CSMD3: variants seen among roughly 807,000 people sequenced by gnomAD.
CSMD3 encodes CUB and Sushi multiple domains 3, also known as CUB and sushi domain-containing protein 3.
A neutral mutation model predicts 435.2 loss-of-function variants in CSMD3; 177 were observed. That is an observed-to-expected ratio of 0.41 (90% CI 0.36 to 0.46). The LOEUF (loss-of-function observed/expected upper bound fraction) is 0.46, where lower values mean the gene tolerates loss of function less well. Ranked by LOEUF, CSMD3 falls within the 20% of genes least tolerant of loss-of-function variation. The probability of loss-of-function intolerance (pLI) is 0.34; values close to 1 mark genes in which losing one functional copy is unlikely to be tolerated. For missense variants in CSMD3, 4,265 were observed against 4,504.6 expected (o/e 0.95, Z 1.52); for synonymous variants, 1,656 against 1,520.5 (o/e 1.09, Z -2.07).
At chr8:113,085,710 G>A (rs1317683176) in intron 5 of CSMD3, among the ~76,000 whole-genome samples, 1 of 152,116 alleles carries the variant, frequency 6.6e-6, no homozygotes, top group Non-Finnish European at 1.5e-5. Flanking sequence ...TCACTTATAT[G>A]TGGGAGCTAA....
chr8:113,367,508 T>C (rs978446816), intron 1 of CSMD3, among the ~76,000 whole-genome samples: 3 of 152,124 alleles, frequency 2.0e-5, no homozygotes, highest in African/African-American at 7.2e-5. Context: ...ATTACAATTA[T>C]GATTCTTCCA....
intron 1 of CSMD3, among the ~76,000 whole-genome samples, chr8:113,412,094 A>G (rs1169666695): frequency 6.6e-6 from 1 of 152,022 alleles, no homozygotes; most frequent in Non-Finnish European, 1.5e-5. Context: ...TAGAAGTAAA[A>G]CCTGTAGAGT....
chr8:112,495,585 T>TGGA (rs1821254170), intron 30 of CSMD3, among the ~76,000 whole-genome samples: 1 of 152,216 alleles, frequency 6.6e-6, no homozygotes, highest in African/African-American at 2.4e-5. Flanking sequence ...TAATACTGTC[T>TGGA]TTATTTATAT....
chr8:112,532,779 A>G (rs975278045), intron 27 of CSMD3, among the ~76,000 whole-genome samples: 1 of 152,158 alleles, frequency 6.6e-6, no homozygotes, highest in Non-Finnish European at 1.5e-5. Flanking sequence ...GGTAAAATTA[A>G]GTTCACAGAC....
At chr8:112,273,953 T>C (rs1048731781) in intron 59 of CSMD3, among the ~76,000 whole-genome samples, 1 of 148,812 alleles carries the variant, frequency 6.7e-6, no homozygotes, top group Non-Finnish European at 1.5e-5. Flanking sequence ...AAAAAAAAGC[T>C]ATACAGTATG....
intron 1 of CSMD3, among the ~76,000 whole-genome samples, chr8:113,365,281 T>G (rs564230383): frequency 1.4e-3 from 208 of 152,226 alleles, no homozygotes; most frequent in Middle Eastern, 6.8e-3. Context: ...GATTCTTGAA[T>G]AGATCAACAG....
chr8:112,533,055 T>C (rs1479020776), intron 27 of CSMD3, among the ~76,000 whole-genome samples: 1 of 152,062 alleles, frequency 6.6e-6, no homozygotes, highest in African/African-American at 2.4e-5. Flanking sequence ...TTAAAATAAC[T>C]TGTACAACTA....
chr8:112,680,250 C>T (rs778177486), intron 16 of CSMD3, among the ~76,000 whole-genome samples: 28 of 152,114 alleles, frequency 1.8e-4, no homozygotes, highest in Admixed American at 4.6e-4. Flanking sequence ...CCCAGCTACT[C>T]AGGAGGCTGA....
chr8:113,366,920 T>C (rs1478291396), intron 1 of CSMD3, among the ~76,000 whole-genome samples: 1 of 152,080 alleles, frequency 6.6e-6, no homozygotes, highest in Non-Finnish European at 1.5e-5. Context: ...CTTTTCTCTA[T>C]AGTATTTAAA....
intron 5 of CSMD3, among the ~76,000 whole-genome samples, chr8:113,091,716 T>C (rs2090009028): frequency 1.3e-5 from 1 of 79,534 alleles, no homozygotes; most frequent in Non-Finnish European, 2.1e-5. Context: ...TTTTGTTTAA[T>C]CTTTTCAAAA....
At chr8:113,340,226 C>T (rs2094108789) in intron 1 of CSMD3, among the ~76,000 whole-genome samples, 1 of 151,962 alleles carries the variant, frequency 6.6e-6, no homozygotes, top group Non-Finnish European at 1.5e-5. Context: ...AATATGCATC[C>T]TTGATTATTA....
chr8:112,346,866 G>C (rs766252629), intron 40 of CSMD3, among the ~76,000 whole-genome samples: 24 of 151,596 alleles, frequency 1.6e-4, no homozygotes, highest in Admixed American at 5.3e-4. Context: ...TTTTAGTAGA[G>C]ACGGGGGTTT....
At chr8:112,972,161 G>T (rs2084681796) in intron 7 of CSMD3, among the ~76,000 whole-genome samples, 1 of 151,638 alleles carries the variant, frequency 6.6e-6, no homozygotes, top group Non-Finnish European at 1.5e-5. Context: ...ATTAATACAT[G>T]CCCCAGTTTA....
chr8:112,286,830 G>A (rs755051872), intron 58 of CSMD3, among the ~76,000 whole-genome samples: 4 of 152,016 alleles, frequency 2.6e-5, no homozygotes, highest in Non-Finnish European at 5.9e-5. Flanking sequence ...CTAAACATTT[G>A]CTATGTTGTG....
intron 1 of CSMD3, among the ~76,000 whole-genome samples, chr8:113,430,369 T>G (rs1455039248): frequency 7.2e-6 from 1 of 138,724 alleles, no homozygotes; most frequent in African/African-American, 2.5e-5. Context: ...TATTGTCATG[T>G]ATTTTTTTTT....
chr8:113,360,695 T>TC (rs1484998686), intron 1 of CSMD3, among the ~76,000 whole-genome samples: 1 of 147,720 alleles, frequency 6.8e-6, no homozygotes, highest in Non-Finnish European at 1.5e-5. Flanking sequence ...TGCCTCAGCC[T>TC]CCCGAGTAGC....
chr8:112,461,230 A>G (rs899458947), intron 32 of CSMD3, among the ~76,000 whole-genome samples: 8 of 152,174 alleles, frequency 5.3e-5, no homozygotes, highest in African/African-American at 1.9e-4. Context: ...CCTTGTTTAC[A>G]AAAGACTCCG....
intron 22 of CSMD3, among the ~76,000 whole-genome samples, chr8:112,593,542 C>T (rs753333529): frequency 2.6e-5 from 4 of 152,104 alleles, no homozygotes; most frequent in Admixed American, 6.5e-5. Flanking sequence ...GTACTCCAAG[C>T]AGCTAGACAT....
At chr8:113,142,380 C>T (rs1427301093) in intron 4 of CSMD3, among the ~76,000 whole-genome samples, 1 of 151,078 alleles carries the variant, frequency 6.6e-6, no homozygotes, top group Admixed American at 6.6e-5. Flanking sequence ...TGTGATATAG[C>T]TATAGTAATC....
Sources: allele counts gnomAD v4.1 joint callset (sites outside exome capture counted in the v4.1 genomes callset), GRCh38; gene constraint gnomAD v4.1.1; transcripts MANE v1.5; gene names NCBI Gene and HGNC (gene_info 2026-07-23, HGNC 2026-07-21).